Variants in WARS2 observed in about 807,000 individuals in gnomAD.
The protein encoded by WARS2 is tryptophan--tRNA ligase, mitochondrial.
Under a neutral mutation model 36.5 loss-of-function variants are expected in WARS2, and 28 were observed. That is an observed-to-expected ratio of 0.77 (90% CI 0.57 to 1.05). The LOEUF (loss-of-function observed/expected upper bound fraction) is 1.05, where lower values mean the gene tolerates loss of function less well. WARS2 is among the 50% of genes least tolerant of loss of function. The pLI, the probability that WARS2 is intolerant of heterozygous loss-of-function variation, is 0.00. For missense variants in WARS2, 435 were observed against 456.8 expected (o/e 0.95, Z 0.44); for synonymous variants, 174 against 178.4 (o/e 0.98, Z 0.20).
chr1:119,049,888 A>G (rs1649191785), intron 2 of WARS2, among the ~76,000 whole-genome samples: 1 of 152,194 alleles, frequency 6.6e-6, no homozygotes. Context: ...GAACACTGTG[A>G]TAACTTCCCA....
Position 119,099,723 on chromosome 1 carries a change from A to G in WARS2, c.91-23116T>C, listed in dbSNP as rs75937686. On this transcript the variant is annotated intron_variant, in intron 1 of 5. Coordinates refer to ENST00000235521, the MANE Select transcript of WARS2 (RefSeq NM_015836.4). ...GGAGAAGGGACATCCTCTTCAATAA[A>G]TAATGCTGGGAAAATTGGAGAGCCA... Among the ~76,000 whole-genome samples the G allele has an allele frequency of 2.7e-3, 410 of 152,350 alleles. 1 individual carries two copies. Among genetic ancestry groups the G allele is most frequent in the African/African-American group, 9.3e-3 (388 of 41,572 alleles).
chr1:119,044,396 G>A (rs1247013935), intron 3 of WARS2, among the ~76,000 whole-genome samples: 1 of 152,188 alleles, frequency 6.6e-6, no homozygotes, highest in Non-Finnish European at 1.5e-5. Flanking sequence ...CTTAATGGTA[G>A]AATACTATGG....
At chr1:119,138,056 A>C (rs1393867242) in intron 1 of WARS2, among the ~76,000 whole-genome samples, 8 of 152,194 alleles carry the variant, frequency 5.3e-5, no homozygotes, top group Admixed American at 5.2e-4. Flanking sequence ...ATAAAAACTA[A>C]CTTGGCTATT....
In WARS2 at chr1:119,076,460, T is replaced by A; in HGVS notation, c.238A>T (p.Thr80Ser). The A allele has an allele frequency of 6.2e-7, 1 of 1,614,088 alleles. No homozygotes were observed. The highest frequency in any genetic ancestry group is 8.5e-7 in the Non-Finnish European group (1 of 1,179,990). Residue 80 changes from threonine (T) to serine (S), a missense_variant, in exon 2 of 6, where the codon ACT (threonine) becomes TCT (serine). Physicochemically the swap from Thr to Ser is moderately conservative, Grantham distance 58. Coordinates refer to ENST00000235521, the MANE Select transcript of WARS2 (RefSeq NM_015836.4). ...LYSIVDLHSI[T>S]VPQDPAVLRQ... The stretch of plus-strand genomic sequence containing the variant: ...AGGACAGCTGGGTCTTGGGGGACAG[T>A]AATGGAGTGGAGGTCAACAATGCTG...
chr1:119,082,046 G>A (rs1224122148), intron 1 of WARS2, among the ~76,000 whole-genome samples: 1 of 152,058 alleles, frequency 6.6e-6, no homozygotes, highest in Non-Finnish European at 1.5e-5. Context: ...TATTAATTCA[G>A]TATAAGAGAA....
chr1:119,116,409 A>G (rs1342607682), intron 1 of WARS2, among the ~76,000 whole-genome samples: 2 of 152,238 alleles, frequency 1.3e-5, no homozygotes, highest in East Asian at 3.8e-4. Context: ...CCACTTAGAA[A>G]GAACAGAACA....
At chr1:119,106,196 T>C (rs1056465863) in intron 1 of WARS2, among the ~76,000 whole-genome samples, 1 of 148,358 alleles carries the variant, frequency 6.7e-6, no homozygotes, top group African/African-American at 2.5e-5. Flanking sequence ...CATGGCAAAA[T>C]TGAGCAGAAA....
intron 1 of WARS2, among the ~76,000 whole-genome samples, chr1:119,120,123 G>A (rs1282237383): frequency 6.6e-6 from 1 of 151,896 alleles, no homozygotes; most frequent in African/African-American, 2.4e-5. Context: ...ACAAAAAGCT[G>A]GTTCTTTGAA....
rs189602759 is a variant in WARS2 at position 119,069,657 on chromosome 1, A to G, written c.348+6693T>C. ...GGTGTAGTAGAAGAAACACTGGCCT[A>G]GTGTACTCTTGGGCTTCATTTTTTA... On this transcript the variant is annotated intron_variant, in intron 2 of 5. Transcript: ENST00000235521. Among the ~76,000 whole-genome samples, 30 of 152,286 alleles carry G rather than the reference A, an allele frequency of 2.0e-4. No individual in the cohort carries two copies. In the East Asian group the frequency reaches 5.6e-3, roughly 28 times the overall value.
chr1:119,054,098 AATTT>A lies in WARS2; in HGVS notation c.349-8440_349-8437del, dbSNP rs984024892. On this transcript the variant is annotated intron_variant, in intron 2 of 5. Transcript: ENST00000235521. ...TAAATAATACTATTTAATAAATTAT[AATTT>A]ATTTAATTATAAATTATTGTTAAAT... 5.7e-4 allele frequency among the ~76,000 whole-genome samples: 85 copies of A among 149,966 alleles called. 1 individual carries two copies. Among genetic ancestry groups the A allele is most frequent in the African/African-American group, 1.9e-3 (79 of 41,178 alleles).
At chr1:119,091,829 C>T (rs587600412) in intron 1 of WARS2, among the ~76,000 whole-genome samples, 62 of 152,218 alleles carry the variant, frequency 4.1e-4, no homozygotes, top group Admixed American at 1.7e-3. Context: ...CCCAATGTGT[C>T]GGCCTGGGAG....
intron 2 of WARS2, among the ~76,000 whole-genome samples, chr1:119,072,040 T>G (rs1390959455): frequency 6.6e-6 from 1 of 152,228 alleles, no homozygotes; most frequent in Non-Finnish European, 1.5e-5. Context: ...ACCATGATGA[T>G]CTTTCACCTA....
chr1:119,127,195 C>A (rs1056175983), intron 1 of WARS2: 3 of 728,082 alleles, frequency 4.1e-6, no homozygotes, highest in South Asian at 2.7e-5. Context: ...AGTGCTTTCA[C>A]ATCATACCAA....
chr1:119,113,578 G>A (rs1452428916), intron 1 of WARS2, among the ~76,000 whole-genome samples: 1 of 152,064 alleles, frequency 6.6e-6, no homozygotes, highest in Non-Finnish European at 1.5e-5. Context: ...AAAAAATCAT[G>A]GGAGTTTGTG....
rs149019739 is a variant in WARS2 at position 119,085,220 on chromosome 1, G to A, written c.91-8613C>T. On this transcript the variant is annotated intron_variant, in intron 1 of 5. Coordinates refer to ENST00000235521, the MANE Select transcript of WARS2 (RefSeq NM_015836.4). ...CCCTCCTGCTTGAGGACCTGTGCTC[G>A]TGCTTGGGTTTCCCCTTCTTCAGCT... is the stretch of plus-strand genomic sequence containing the variant. 8.3e-4 allele frequency: 701 copies of A among 842,060 alleles called. 10 individuals carry two copies. In the African/African-American group the frequency reaches 9.8e-3, roughly 12 times the overall value. The allele number at this position is 842,060 out of a possible 1,614,324, so 52.2% of individuals were successfully genotyped here. A position where few individuals can be genotyped will look rare whatever the true frequency, so the allele number is the denominator to read the frequency against.
chr1:119,097,215 G>C (rs909899819), intron 1 of WARS2, among the ~76,000 whole-genome samples: 1 of 152,106 alleles, frequency 6.6e-6, no homozygotes, highest in East Asian at 1.9e-4. Flanking sequence ...TTTCTATCTT[G>C]ATGAGAAATG....
At chr1:119,064,227 C>T (rs1343639913) in intron 2 of WARS2, 2 of 152,184 alleles carry the variant, frequency 1.3e-5, no homozygotes, top group East Asian at 1.9e-4. Context: ...CCTGTAACCC[C>T]TTTGCTTTGA....
chr1:119,076,455 G>T lies in WARS2; in HGVS notation c.243C>A (p.Val81=), dbSNP rs773290794. The change falls in exon 2 of 6, where the codon GTC becomes GTA. Residue 81 remains valine, a synonymous_variant. Transcript: ENST00000235521. ...YSIVDLHSIT[V]PQDPAVLRQS... ...GCCGAAGGACAGCTGGGTCTTGGGG[G>T]ACAGTAATGGAGTGGAGGTCAACAA... 1.2e-6 allele frequency: 2 copies of T among 1,614,156 alleles called. No individual in the cohort carries two copies. Among genetic ancestry groups the T allele is most frequent in the South Asian group, 2.2e-5 (2 of 91,084 alleles).
intron 1 of WARS2, among the ~76,000 whole-genome samples, chr1:119,126,388 T>C (rs1432024943): frequency 1.3e-5 from 2 of 152,120 alleles, no homozygotes; most frequent in Non-Finnish European, 2.9e-5. Flanking sequence ...ACTTACATAA[T>C]ACCTACAGTG....
Sources: gnomAD v4.1 joint callset for allele counts (sites outside exome capture counted in the v4.1 genomes callset) on GRCh38, gnomAD v4.1.1 for gene constraint, MANE v1.5 for transcripts, NCBI Gene and HGNC (gene_info 2026-07-23, HGNC 2026-07-21) for gene names.